Variants in MACROD2 observed in about 807,000 individuals in gnomAD.
MACROD2 encodes the protein mono-ADP ribosylhydrolase 2.
A neutral mutation model predicts 70.4 loss-of-function variants in MACROD2; 36 were observed. The observed-to-expected ratio is 0.51, with a 90% CI of 0.39 to 0.68. The LOEUF is 0.68. Ranked by LOEUF, MACROD2 falls within the 30% of genes least tolerant of loss-of-function variation. The probability of loss-of-function intolerance (pLI) is 0.00; values close to 1 mark genes in which losing one functional copy is unlikely to be tolerated. For synonymous variants in MACROD2, 172 were observed against 178.8 expected (o/e 0.96, Z 0.30); for missense variants, 496 against 538.4 (o/e 0.92, Z 0.78).
chr20:15,902,677 CTCTGTGAAAAGGT>C (rs1411207443), intron 10 of MACROD2, among the ~76,000 whole-genome samples: 1 of 152,072 alleles, frequency 6.6e-6, no homozygotes, highest in Non-Finnish European at 1.5e-5. Flanking sequence ...AGGACCCCAG[CTCTGTGAAAAGGT>C]TCTCATGGCA....
chr20:15,369,370 T>C lies in MACROD2; in HGVS notation c.541-62035T>C, dbSNP rs2423960. Reference sequence around the variant, plus strand: ...AAATACCGTTTTGACAGCAGACTTCTGACAGCTTAATAATAATGATCAAGC... The same window carrying C: ...AAATACCGTTTTGACAGCAGACTTCCGACAGCTTAATAATAATGATCAAGC... On this transcript the variant is annotated intron_variant, in intron 6 of 17. Transcript: ENST00000684519. 4.6e-3 allele frequency among the ~76,000 whole-genome samples: 708 copies of C among 152,338 alleles called. 3 individuals are homozygous for C. Among genetic ancestry groups the C allele is most frequent in the Non-Finnish European group, 7.2e-3 (487 of 68,016 alleles).
At chr20:14,610,715 G>T (rs1166592679) in intron 4 of MACROD2, among the ~76,000 whole-genome samples, 1 of 151,866 alleles carries the variant, frequency 6.6e-6, no homozygotes, top group African/African-American at 2.4e-5. Flanking sequence ...CATTGTATGA[G>T]GGTTTTTTTC....
chr20:15,217,078 A>G (rs1164898456), intron 5 of MACROD2, among the ~76,000 whole-genome samples: 1 of 152,156 alleles, frequency 6.6e-6, no homozygotes, highest in Non-Finnish European at 1.5e-5. Context: ...GCAACAACAA[A>G]AAATGAGTTT....
chr20:14,696,618 T>G (rs749562690), intron 5 of MACROD2, among the ~76,000 whole-genome samples: 1 of 152,210 alleles, frequency 6.6e-6, no homozygotes, highest in Non-Finnish European at 1.5e-5. Context: ...AGCTTGCCTC[T>G]TCCTACCTGT....
At chr20:15,643,857 T>C (rs2074835301) in intron 8 of MACROD2, among the ~76,000 whole-genome samples, 1 of 152,152 alleles carries the variant, frequency 6.6e-6, no homozygotes, top group Non-Finnish European at 1.5e-5. Flanking sequence ...TAAAAGCATT[T>C]TGGGTGTTCC....
chr20:14,587,969 A>T (rs773758238), intron 4 of MACROD2, among the ~76,000 whole-genome samples: 23 of 152,038 alleles, frequency 1.5e-4, no homozygotes, highest in Non-Finnish European at 2.8e-4. Context: ...GTAGCTTCTA[A>T]TTCTGTAAGG....
intron 5 of MACROD2, among the ~76,000 whole-genome samples, chr20:14,993,320 T>C (rs2074922041): frequency 6.6e-6 from 1 of 151,926 alleles, no homozygotes; most frequent in Admixed American, 6.6e-5. Context: ...TTTGATATCA[T>C]ATTTAGATCA....
At chr20:15,539,022 TA>T (rs1219615483) in intron 8 of MACROD2, among the ~76,000 whole-genome samples, 1 of 152,184 alleles carries the variant, frequency 6.6e-6, no homozygotes, top group African/African-American at 2.4e-5. Flanking sequence ...ATGAACTATA[TA>T]AAAATATACT....
intron 6 of MACROD2, among the ~76,000 whole-genome samples, chr20:15,396,465 A>C (rs1012923537): frequency 6.6e-6 from 1 of 152,208 alleles, no homozygotes; most frequent in African/African-American, 2.4e-5. Flanking sequence ...TGAAGAAGCA[A>C]GTCTTCTCTA....
intron 8 of MACROD2, among the ~76,000 whole-genome samples, chr20:15,743,609 T>C (rs2051136989): frequency 6.6e-6 from 1 of 152,186 alleles, no homozygotes; most frequent in Admixed American, 6.6e-5. Context: ...ATCTGTTTTT[T>C]GATCCCTGAA....
intron 2 of MACROD2, among the ~76,000 whole-genome samples, chr20:14,026,745 A>T (rs999782548): frequency 1.3e-5 from 2 of 152,182 alleles, no homozygotes; most frequent in African/African-American, 4.8e-5. Context: ...CTTTGTGGGT[A>T]ACCTGACCTT....
At chr20:14,785,507 A>G (rs776564623) in intron 5 of MACROD2, among the ~76,000 whole-genome samples, 3 of 152,040 alleles carry the variant, frequency 2.0e-5, no homozygotes, top group Non-Finnish European at 4.4e-5. Context: ...CTTGGAGTCA[A>G]GACAGACAAC....
chr20:14,356,685 A>G (rs1312626665), intron 3 of MACROD2, among the ~76,000 whole-genome samples: 1 of 151,742 alleles, frequency 6.6e-6, no homozygotes, highest in East Asian at 1.9e-4. Flanking sequence ...TTATATTTTT[A>G]GTAGAGATGA....
At chr20:15,862,014 G>A (rs1302509684) in intron 8 of MACROD2, among the ~76,000 whole-genome samples, 1 of 152,066 alleles carries the variant, frequency 6.6e-6, no homozygotes. Flanking sequence ...TGTATACTCC[G>A]TGTCTCTTCT....
chr20:14,675,531 C>T lies in MACROD2; in HGVS notation c.302-9312C>T, dbSNP rs530340325. ...AGAGATTTTGTCACCACCAGGCCTG[C>T]GTTACAAGAGCTCCTGAAGGAAGCA... is the stretch of plus-strand genomic sequence containing the variant. On this transcript the variant is annotated intron_variant, in intron 4 of 17. Transcript: ENST00000684519. 4.6e-5 allele frequency among the ~76,000 whole-genome samples: 7 copies of T among 152,130 alleles called. No homozygotes were observed. The South Asian group carries it at 1.0e-3, about 23-fold the overall frequency.
intron 8 of MACROD2, among the ~76,000 whole-genome samples, chr20:15,701,416 A>G (rs1388601427): frequency 6.6e-6 from 1 of 152,204 alleles, no homozygotes; most frequent in African/African-American, 2.4e-5. Context: ...GAGGTATTCT[A>G]CTTTCAATTA....
chr20:14,255,451 C>T (rs938796030), intron 3 of MACROD2, among the ~76,000 whole-genome samples: 2 of 151,578 alleles, frequency 1.3e-5, no homozygotes, highest in East Asian at 1.9e-4. Context: ...AACCAAACAC[C>T]GCATGTTCTC....
intron 5 of MACROD2, among the ~76,000 whole-genome samples, chr20:14,927,694 G>A (rs1158811909): frequency 1.3e-5 from 2 of 152,170 alleles, no homozygotes; most frequent in African/African-American, 4.8e-5. Flanking sequence ...CTAGAAGGGT[G>A]TTGGAATAGA....
At chr20:14,349,122 C>T (rs1265390308) in intron 3 of MACROD2, among the ~76,000 whole-genome samples, 1 of 150,660 alleles carries the variant, frequency 6.6e-6, no homozygotes, top group Non-Finnish European at 1.5e-5. Context: ...TCTGAATTCC[C>T]ACTATCCAGT....
Sources: allele counts gnomAD v4.1 joint callset (sites outside exome capture counted in the v4.1 genomes callset), GRCh38; gene constraint gnomAD v4.1.1; transcripts MANE v1.5; gene names NCBI Gene and HGNC (gene_info 2026-07-23, HGNC 2026-07-21).